The following DNAH7 variants were observed in gnomAD, a reference collection of about 807,000 sequenced individuals.
DNAH7 encodes the protein dynein axonemal heavy chain 7.
In DNAH7, 397 loss-of-function variants were observed where a neutral mutation model predicts 444.6. That is an observed-to-expected ratio of 0.89 (90% confidence interval 0.82 to 0.97). The LOEUF is 0.97. Ranked by LOEUF, DNAH7 falls within the 50% of genes least tolerant of loss-of-function variation. The probability of loss-of-function intolerance (pLI) is 0.00; values close to 1 mark genes in which losing one functional copy is unlikely to be tolerated. For missense variants in DNAH7, 4,902 were observed against 4,800.8 expected (o/e 1.02, Z -0.62); for synonymous variants, 1,636 against 1,624.4 (o/e 1.01, Z -0.17).
intron 15 of DNAH7, among the ~76,000 whole-genome samples, chr2:195,976,336 C>T (rs1692183375): frequency 6.6e-6 from 1 of 152,170 alleles, no homozygotes; most frequent in Admixed American, 6.5e-5. Flanking sequence ...AGAGTCTCCT[C>T]TGCTTATCAA....
chr2:196,010,406 C>A (rs1694657727), intron 10 of DNAH7, among the ~76,000 whole-genome samples: 1 of 152,152 alleles, frequency 6.6e-6, no homozygotes, highest in Non-Finnish European at 1.5e-5. Flanking sequence ...CTCAGCCTCC[C>A]AAAGTGCTGG....
intron 58 of DNAH7, among the ~76,000 whole-genome samples, chr2:195,781,351 A>C (rs112559078): frequency 6.6e-6 from 1 of 152,218 alleles, no homozygotes; most frequent in Admixed American, 6.5e-5. Context: ...GGAGAATTTC[A>C]TAAGGGTTAA....
At chr2:196,037,555 C>T (rs1461576157) in intron 5 of DNAH7, among the ~76,000 whole-genome samples, 1 of 151,850 alleles carries the variant, frequency 6.6e-6, no homozygotes, top group African/African-American at 2.4e-5. Context: ...ATAGATGTCA[C>T]AAAAAAGAAC....
At position 196,032,633 on chromosome 2, in the gene DNAH7, G is replaced by A. The variant is rs375793224; in HGVS notation, c.399-4586C>T. Among the ~76,000 whole-genome samples the A allele has an allele frequency of 6.6e-5, 10 of 152,326 alleles. No individual in the cohort carries two copies. The East Asian group carries it at 1.9e-3, about 29-fold the overall frequency. On this transcript the variant is annotated intron_variant, in intron 5 of 64. Transcript: ENST00000312428. Reference sequence around the variant, plus strand: ...AGTACACTAATTGAATTAGTAATTAGCTTGCCAACCAAGAAAAGTTCAAGT... The same window carrying A: ...AGTACACTAATTGAATTAGTAATTAACTTGCCAACCAAGAAAAGTTCAAGT...
Position 195,906,909 on chromosome 2 carries a change from C to T in DNAH7, c.4205G>A (p.Arg1402Lys), listed in dbSNP as rs1158288500. The stretch of plus-strand genomic sequence containing the variant: ...GCAAAGACAAACTAGTCCATTACCT[C>T]TTTGGATAGTAAGGATTTGTTGAGC... ...VVAQQILTIQ[R>K]GINAGADILM... Residue 1402 changes from arginine (R) to lysine (K), a missense_variant and splice_region_variant, in exon 26 of 65, where the codon AGA (arginine) becomes AAA (lysine). Transcript: ENST00000312428. 3 of 1,612,638 alleles carry T rather than the reference C, an allele frequency of 1.9e-6. No homozygotes were observed. Among genetic ancestry groups the T allele is most frequent in the South Asian group, 1.1e-5 (1 of 90,932 alleles).
At chr2:195,809,912 A>C in intron 51 of DNAH7, 41 bp from the exon 52 acceptor site, 2 of 1,424,884 alleles carry the variant, frequency 1.4e-6, no homozygotes, top group Non-Finnish European at 1.9e-6. Context: ...ATAAAAATAT[A>C]CTTTAAAGAT....
In DNAH7 at chr2:195,912,010, C is replaced by T. The variant is rs537118731; in HGVS notation, c.3936-1815G>A. Among the ~76,000 whole-genome samples the T allele has an allele frequency of 2.6e-5, 4 of 152,172 alleles. No homozygotes were observed. In the South Asian group the frequency reaches 8.3e-4, roughly 32 times the overall value. On this transcript the variant is annotated intron_variant, in intron 24 of 64. Coordinates refer to ENST00000312428, the MANE Select transcript of DNAH7 (RefSeq NM_018897.3). ...TCTTTCTTGGAATTTTGACTAAAGC[C>T]CCAAGCTGAGAACAATAAATACCAT...
intron 17 of DNAH7, among the ~76,000 whole-genome samples, chr2:195,963,105 C>G (rs1180306573): frequency 6.6e-6 from 1 of 152,158 alleles, no homozygotes; most frequent in Non-Finnish European, 1.5e-5. Context: ...GATATCTTGA[C>G]TTCCTTTCTT....
At chr2:195,875,256 T>C (rs1700980279) in intron 38 of DNAH7, among the ~76,000 whole-genome samples, 1 of 152,208 alleles carries the variant, frequency 6.6e-6, no homozygotes, top group Non-Finnish European at 1.5e-5. Context: ...GCAGGGACCA[T>C]TCTATACAAT....
At chr2:196,027,590 G>A (rs1165454475) in intron 6 of DNAH7, among the ~76,000 whole-genome samples, 2 of 151,930 alleles carry the variant, frequency 1.3e-5, no homozygotes, top group Non-Finnish European at 1.5e-5. Flanking sequence ...AAATTATTAT[G>A]TATTTAAATA....
intron 17 of DNAH7, among the ~76,000 whole-genome samples, chr2:195,962,350 T>TTTGG (rs1242298156): frequency 1.3e-5 from 2 of 152,156 alleles, no homozygotes; most frequent in South Asian, 2.1e-4. Flanking sequence ...ATTATACACT[T>TTTGG]TTGGTTGGTT....
At chr2:195,984,346 TTTTATTTA>T (rs533551950) in intron 15 of DNAH7, among the ~76,000 whole-genome samples, 5 of 152,130 alleles carry the variant, frequency 3.3e-5, no homozygotes, top group African/African-American at 9.7e-5. Context: ...TTTTTATTTA[TTTTATTTA>T]TTTATTTTTT....
At chr2:195,746,658 A>C (rs1366416472) in intron 63 of DNAH7, among the ~76,000 whole-genome samples, 2 of 152,278 alleles carry the variant, frequency 1.3e-5, no homozygotes, top group Non-Finnish European at 2.9e-5. Flanking sequence ...TTCAGACCAC[A>C]GTGCAATCAA....
chr2:195,962,140 TAG>T (rs1377677020), intron 17 of DNAH7, among the ~76,000 whole-genome samples: 1 of 152,160 alleles, frequency 6.6e-6, no homozygotes, highest in Non-Finnish European at 1.5e-5. Context: ...AAGTGTTCGT[TAG>T]CTAAATACAT....
chr2:196,024,376 A>T, intron 8 of DNAH7, 53 bp downstream of exon 8: 2 of 1,178,750 alleles, frequency 1.7e-6, no homozygotes, highest in Non-Finnish European at 2.4e-6. Context: ...TGATATAAAC[A>T]TATACAGAAA....
Position 195,897,740 on chromosome 2 carries a change from T to C in DNAH7, c.4574A>G (p.Glu1525Gly). 6.3e-7 allele frequency: 1 copy of C among 1,592,352 alleles called. No individual in the cohort carries two copies. The highest frequency in any genetic ancestry group is 8.5e-7 in the Non-Finnish European group (1 of 1,171,042). Residue 1525 changes from glutamate (E) to glycine (G), a missense_variant, in exon 29 of 65, where the codon GAA (glutamate) becomes GGA (glycine). Transcript: ENST00000312428. ...AATGATAGATCTAAGCAGCAAAATT[T>C]CTTCATTTTCATTTGGATATTTCAG... ...LKLKYPNENE[E>G]ILLLRSIIDV... is the part of the protein sequence containing the mutation.
chr2:195,739,114 C>T (rs1052371472), intron 64 of DNAH7, among the ~76,000 whole-genome samples: 5 of 152,160 alleles, frequency 3.3e-5, no homozygotes, highest in African/African-American at 1.2e-4. Context: ...AATCATTATC[C>T]ATTTATAAAT....
intron 46 of DNAH7, among the ~76,000 whole-genome samples, chr2:195,848,524 T>C (rs983763824): frequency 3.3e-5 from 5 of 152,226 alleles, no homozygotes; most frequent in East Asian, 1.9e-4. Flanking sequence ...TGAGCTTATG[T>C]GTGATTATAG....
At position 195,999,420 on chromosome 2, in the gene DNAH7, T is replaced by C. The variant is rs569353076; in HGVS notation, c.1353+1284A>G. Among the ~76,000 whole-genome samples, 11 of 152,276 alleles carry C rather than the reference T, an allele frequency of 7.2e-5. 1 individual carries two copies. The East Asian group carries it at 9.6e-4, about 13-fold the overall frequency. Reference sequence around the variant, plus strand: ...GTCTGGGGAGCACCTGTCACAAGAATATGGAAACTCCAAAGGAATCAACTT... The same window carrying C: ...GTCTGGGGAGCACCTGTCACAAGAACATGGAAACTCCAAAGGAATCAACTT... On this transcript the variant is annotated intron_variant, in intron 12 of 64. Transcript: ENST00000312428.
Sources: allele counts gnomAD v4.1 joint callset (sites outside exome capture counted in the v4.1 genomes callset), GRCh38; gene constraint gnomAD v4.1.1; transcripts MANE v1.5; gene names NCBI Gene and HGNC (gene_info 2026-07-23, HGNC 2026-07-21).